SEPTIN14: variants seen among roughly 807,000 people sequenced by gnomAD.
SEPTIN14 encodes the protein septin-14.
SEPTIN14 carries 40 observed loss-of-function variants against 53.6 expected under a neutral mutation model. That is an observed-to-expected ratio of 0.75 (90% confidence interval 0.58 to 0.97). The LOEUF (loss-of-function observed/expected upper bound fraction) is 0.97. SEPTIN14 is among the 50% of genes least tolerant of loss of function. The pLI is 0.00. For missense variants in SEPTIN14, 471 were observed against 508.2 expected (o/e 0.93, Z 0.70); for synonymous variants, 138 against 166.8 (o/e 0.83, Z 1.33).
intron 7 of SEPTIN14, among the ~76,000 whole-genome samples, chr7:55,810,605 A>C (rs1446395659): frequency 6.6e-6 from 1 of 150,560 alleles, no homozygotes; most frequent in Non-Finnish European, 1.5e-5. Context: ...CTCCCTCCCG[A>C]GTAGCTGGGA....
At chr7:55,818,283 C>G (rs1788829348) in intron 7 of SEPTIN14, among the ~76,000 whole-genome samples, 1 of 151,944 alleles carries the variant, frequency 6.6e-6, no homozygotes, top group Non-Finnish European at 1.5e-5. Flanking sequence ...ATCAGCCTCA[C>G]TAATATGGTG....
intron 7 of SEPTIN14, among the ~76,000 whole-genome samples, chr7:55,812,766 A>G (rs1788723258): frequency 6.6e-6 from 1 of 152,124 alleles, no homozygotes; most frequent in African/African-American, 2.4e-5. Flanking sequence ...TAGTAAAGAG[A>G]GTCTTGCATA....
In SEPTIN14 at chr7:55,819,114, CTGTCATT is replaced by C; in HGVS notation, c.817+6_817+12del. The stretch of plus-strand genomic sequence containing the variant: ...ACTTAATCATTCCAAAGCCTGCCCT[CTGTCATT>C]TTTACCTTGCAAAACTCCCCAAGGG... On this transcript the variant is annotated splice_donor_region_variant and intron_variant, in intron 7 of 9. Transcript: ENST00000388975. The C allele has an allele frequency of 1.4e-6, 2 of 1,479,362 alleles. No individual in the cohort carries two copies. Among genetic ancestry groups the C allele is most frequent in the Non-Finnish European group, 1.9e-6 (2 of 1,075,226 alleles). 91.6% of individuals were successfully genotyped at this position (1,479,362 alleles called of 1,614,324 possible). A position where few individuals can be genotyped will look rare whatever the true frequency, so the allele number is the denominator to read the frequency against.
intron 6 of SEPTIN14, among the ~76,000 whole-genome samples, chr7:55,823,634 G>T (rs1374053372): frequency 2.0e-5 from 3 of 152,188 alleles, no homozygotes; most frequent in Non-Finnish European, 4.4e-5. Flanking sequence ...AGGCCCAGGT[G>T]GGGGTGTCAC....
intron 6 of SEPTIN14, among the ~76,000 whole-genome samples, chr7:55,831,753 CACAA>C (rs1218825731): frequency 6.6e-6 from 1 of 152,068 alleles, no homozygotes; most frequent in Admixed American, 6.6e-5. Context: ...CTAAAAAGAA[CACAA>C]ACAACTCAAC....
intron 9 of SEPTIN14, among the ~76,000 whole-genome samples, chr7:55,804,134 TAAAAAAAAAAA>T (rs35467838): frequency 2.1e-5 from 1 of 47,056 alleles, no homozygotes; most frequent in African/African-American, 8.0e-5. Context: ...AGACTCTGTC[TAAAAAAAAAAA>T]AAAAAAAAAA....
chr7:55,839,837 A>G (rs961350867), intron 5 of SEPTIN14, among the ~76,000 whole-genome samples: 6 of 152,150 alleles, frequency 3.9e-5, no homozygotes, highest in Non-Finnish European at 5.9e-5. Context: ...TAAAGCCTTC[A>G]AAGAGGTGAT....
intron 2 of SEPTIN14, among the ~76,000 whole-genome samples, chr7:55,855,867 T>C (rs1336762144): frequency 6.6e-6 from 1 of 152,150 alleles, no homozygotes; most frequent in Admixed American, 6.6e-5. Flanking sequence ...GCTGCTTTTT[T>C]TTGTTTGTTT....
chr7:55,837,509 A>G (rs1269920845), intron 5 of SEPTIN14, among the ~76,000 whole-genome samples: 2 of 152,168 alleles, frequency 1.3e-5, no homozygotes, highest in African/African-American at 4.8e-5. Context: ...AATTTTCCCA[A>G]AGCCACACAG....
chr7:55,846,217 G>C (rs956464618), intron 3 of SEPTIN14, among the ~76,000 whole-genome samples: 4 of 151,132 alleles, frequency 2.6e-5, no homozygotes, highest in African/African-American at 9.7e-5. Context: ...TACAGGTCGA[G>C]TGTGGTGTCT....
At chr7:55,833,976 C>T (rs1789159187) in intron 6 of SEPTIN14, among the ~76,000 whole-genome samples, 1 of 151,982 alleles carries the variant, frequency 6.6e-6, no homozygotes, top group African/African-American at 2.4e-5. Flanking sequence ...AACATATAAA[C>T]TACCAAGATG....
chr7:55,860,602 G>T (rs997201367), intron 2 of SEPTIN14, among the ~76,000 whole-genome samples: 6 of 152,136 alleles, frequency 3.9e-5, no homozygotes, highest in African/African-American at 1.2e-4. Flanking sequence ...ACCCTGACTT[G>T]ATTATTATGT....
At chr7:55,843,362 G>A (rs1354094444) in intron 4 of SEPTIN14, among the ~76,000 whole-genome samples, 5 of 152,100 alleles carry the variant, frequency 3.3e-5, no homozygotes, top group Non-Finnish European at 7.4e-5. Context: ...TCCGACAGGG[G>A]ACTAGTATCC....
At chr7:55,817,476 A>ATTTT (rs938944299) in intron 7 of SEPTIN14, among the ~76,000 whole-genome samples, 175 of 143,782 alleles carry the variant, frequency 1.2e-3, no homozygotes, top group African/African-American at 4.1e-3. Context: ...ATATATATAT[A>ATTTT]TTTTTTTTTT....
chr7:55,826,015 T>C (rs1323642619), intron 6 of SEPTIN14, among the ~76,000 whole-genome samples: 2 of 150,584 alleles, frequency 1.3e-5, no homozygotes, highest in Non-Finnish European at 1.5e-5. Context: ...GGCAGGAGAA[T>C]GGCGTGAACC....
intron 6 of SEPTIN14, among the ~76,000 whole-genome samples, chr7:55,827,278 C>T (rs750159882): frequency 3.9e-5 from 6 of 152,176 alleles, no homozygotes; most frequent in Non-Finnish European, 7.3e-5. Flanking sequence ...AAAGGAGCAG[C>T]GTTCCTGCAT....
chr7:55,796,362 G>A (rs559718553), intron 9 of SEPTIN14, among the ~76,000 whole-genome samples: 117 of 151,778 alleles, frequency 7.7e-4, no homozygotes, highest in Non-Finnish European at 1.4e-3. Context: ...CTCCTGGTTC[G>A]AGTGATTCTC....
At chr7:55,796,181 C>A in intron 9 of SEPTIN14, 89 bp from the exon 10 acceptor site, 1 of 819,136 alleles carries the variant, frequency 1.2e-6, no homozygotes, top group Non-Finnish European at 2.0e-6. Flanking sequence ...TCAAACAAAC[C>A]CAAATCATCA....
rs746498199 is a variant in SEPTIN14 at position 55,830,321 on chromosome 7, GTATATA to G, written c.720+4098_720+4103del. 5.5e-3 allele frequency among the ~76,000 whole-genome samples: 466 copies of G among 84,464 alleles called. 9 individuals are homozygous for G. Among genetic ancestry groups the G allele is most frequent in the African/African-American group, 0.012 (213 of 18,150 alleles). 55.4% of individuals were successfully genotyped at this position (84,464 alleles called of 152,430 possible). ...GTGGTAATCAGAATGTTATCCAACT[GTATATA>G]TATATATATATATATATATATATTT... On this transcript the variant is annotated intron_variant, in intron 6 of 9. Transcript: ENST00000388975.
Sources: allele counts gnomAD v4.1 joint callset (sites outside exome capture counted in the v4.1 genomes callset), GRCh38; gene constraint gnomAD v4.1.1; transcripts MANE v1.5; gene names NCBI Gene and HGNC (gene_info 2026-07-23, HGNC 2026-07-21).